Variants in ZNF804B observed in about 807,000 individuals in gnomAD.
The protein encoded by ZNF804B is zinc finger protein 804B, also known as zinc finger 804B.
ZNF804B carries 80 observed loss-of-function variants against 101.4 expected under a neutral mutation model. The ratio of observed to expected loss-of-function variants is 0.79; its 90% CI spans 0.66 to 0.95. ZNF804B has a LOEUF of 0.95. ZNF804B is among the 40% of genes least tolerant of loss of function. The probability of loss-of-function intolerance (pLI) is 0.00; values close to 1 mark genes in which losing one functional copy is unlikely to be tolerated. For missense variants in ZNF804B, 1,673 were observed against 1,561.9 expected (o/e 1.07, Z -1.20); for synonymous variants, 622 against 558.8 (o/e 1.11, Z -1.59).
At chr7:88,864,935 A>G (rs779407394) in intron 1 of ZNF804B, among the ~76,000 whole-genome samples, 3 of 152,152 alleles carry the variant, frequency 2.0e-5, no homozygotes, top group Non-Finnish European at 2.9e-5. Context: ...CACCCATAAA[A>G]ATATTTAACT....
Position 88,859,124 on chromosome 7 carries a change from G to A in ZNF804B, c.108+99040G>A, listed in dbSNP as rs533349066. Among the ~76,000 whole-genome samples, 5 of 151,998 alleles carry A rather than the reference G, an allele frequency of 3.3e-5. No individual in the cohort carries two copies. The South Asian group carries it at 1.0e-3, about 32-fold the overall frequency. ...TTTATTGGGTTTATTTTCAGGCAAC[G>A]CTCTTCACCAATCAAATGAATAAGA... On this transcript the variant is annotated intron_variant, in intron 1 of 3. Coordinates refer to ENST00000333190, the MANE Select transcript of ZNF804B (RefSeq NM_181646.5).
intron 1 of ZNF804B, among the ~76,000 whole-genome samples, chr7:88,949,530 A>C (rs1047013945): frequency 6.6e-6 from 1 of 151,934 alleles, no homozygotes; most frequent in Admixed American, 6.6e-5. Context: ...TGTATGTGGC[A>C]TATCTTCCAT....
At chr7:88,826,913 G>A (rs535989466) in intron 1 of ZNF804B, among the ~76,000 whole-genome samples, 1 of 152,082 alleles carries the variant, frequency 6.6e-6, no homozygotes, top group South Asian at 2.1e-4. Context: ...GGAATATTTT[G>A]GGATTAAATA....
At chr7:89,131,854 A>C (rs1232457549) in intron 1 of ZNF804B, among the ~76,000 whole-genome samples, 1 of 151,992 alleles carries the variant, frequency 6.6e-6, no homozygotes, top group African/African-American at 2.4e-5. Flanking sequence ...GACGTACTCA[A>C]CCTGTTTCCC....
chr7:89,014,137 T>A (rs2373830), intron 1 of ZNF804B, among the ~76,000 whole-genome samples: 20,845 of 152,152 alleles, frequency 0.14, 1,840 homozygotes, highest in East Asian at 0.29. Context: ...ATACTGTTCT[T>A]TATAGTGGCT....
chr7:89,127,040 A>G (rs368299774), intron 1 of ZNF804B, among the ~76,000 whole-genome samples: 1 of 151,958 alleles, frequency 6.6e-6, no homozygotes, highest in Non-Finnish European at 1.5e-5. Flanking sequence ...AATGATAATG[A>G]TCATGACTCC....
chr7:88,887,552 T>G (rs1004563892), intron 1 of ZNF804B, among the ~76,000 whole-genome samples: 2 of 152,186 alleles, frequency 1.3e-5, no homozygotes, highest in African/African-American at 4.8e-5. Flanking sequence ...TCCTTGTTCT[T>G]GCTAGCTTTG....
intron 1 of ZNF804B, among the ~76,000 whole-genome samples, chr7:89,067,565 A>G (rs1789472286): frequency 6.6e-6 from 1 of 152,158 alleles, no homozygotes; most frequent in South Asian, 2.1e-4. Flanking sequence ...GCCAACACTC[A>G]GTGTTATTGG....
intron 2 of ZNF804B, among the ~76,000 whole-genome samples, chr7:89,326,200 C>T (rs1202507324): frequency 6.6e-6 from 1 of 151,944 alleles, no homozygotes; most frequent in Non-Finnish European, 1.5e-5. Flanking sequence ...ACTGTTCTCC[C>T]TGTAGCTGTT....
intron 2 of ZNF804B, among the ~76,000 whole-genome samples, chr7:89,259,162 G>A (rs1305116693): frequency 6.6e-6 from 1 of 152,134 alleles, no homozygotes; most frequent in African/African-American, 2.4e-5. Flanking sequence ...CTTATTTGAT[G>A]TCTTCTTCCT....
intron 1 of ZNF804B, among the ~76,000 whole-genome samples, chr7:89,044,225 T>G (rs1789065696): frequency 6.6e-6 from 1 of 152,150 alleles, no homozygotes; most frequent in Non-Finnish European, 1.5e-5. Flanking sequence ...TCAACACTTC[T>G]TCCTGCCATC....
chr7:88,894,062 A>C (rs1266301080), intron 1 of ZNF804B, among the ~76,000 whole-genome samples: 1 of 152,200 alleles, frequency 6.6e-6, no homozygotes, highest in Non-Finnish European at 1.5e-5. Context: ...GTCTCCTTTA[A>C]GTTTTCAAAA....
intron 1 of ZNF804B, among the ~76,000 whole-genome samples, chr7:89,189,707 A>C (rs2115609539): frequency 6.6e-6 from 1 of 152,292 alleles, no homozygotes; most frequent in South Asian, 2.1e-4. Flanking sequence ...CAAGCGGGGA[A>C]GCAGATTGTG....
In ZNF804B at chr7:89,056,946, G is replaced by A. The variant is rs544172597; in HGVS notation, c.109-161209G>A. Among the ~76,000 whole-genome samples the A allele has an allele frequency of 8.5e-5, 13 of 152,204 alleles. No homozygotes were observed. The East Asian group carries it at 2.5e-3, about 30-fold the overall frequency. ...TGGGGTTAGGGTTTTAAAGGTTTTG[G>A]AGTGGGCTAAAGTGTGAAGATCGTT... On this transcript the variant is annotated intron_variant, in intron 1 of 3. Transcript: ENST00000333190.
chr7:89,159,096 G>A (rs1791019518), intron 1 of ZNF804B, among the ~76,000 whole-genome samples: 1 of 152,236 alleles, frequency 6.6e-6, no homozygotes, highest in Admixed American at 6.5e-5. Flanking sequence ...CTTGAGAGGA[G>A]TGAATTTACT....
chr7:89,197,521 T>A (rs2115637564), intron 1 of ZNF804B, among the ~76,000 whole-genome samples: 1 of 152,064 alleles, frequency 6.6e-6, no homozygotes, highest in African/African-American at 2.4e-5. Context: ...TTCCATTGGC[T>A]GTTTGATTAT....
At chr7:89,206,336 T>C (rs1788714015) in intron 1 of ZNF804B, among the ~76,000 whole-genome samples, 1 of 152,222 alleles carries the variant, frequency 6.6e-6, no homozygotes, top group Admixed American at 6.5e-5. Context: ...TTGAATTTCT[T>C]CCCAGAAAAT....
chr7:89,235,237 C>T (rs1437961373), intron 2 of ZNF804B, among the ~76,000 whole-genome samples: 1 of 151,814 alleles, frequency 6.6e-6, no homozygotes, highest in Non-Finnish European at 1.5e-5. Flanking sequence ...TTATTTTTTC[C>T]AGAGAAATAT....
chr7:89,282,649 A>T (rs1208877), intron 2 of ZNF804B, among the ~76,000 whole-genome samples: 37,339 of 152,008 alleles, frequency 0.25, 4,812 homozygotes, highest in Non-Finnish European at 0.27. Flanking sequence ...GTGTGTCTTG[A>T]GGGGGTACGA....
Sources: gnomAD v4.1 joint callset for allele counts (sites outside exome capture counted in the v4.1 genomes callset) on GRCh38, gnomAD v4.1.1 for gene constraint, MANE v1.5 for transcripts, NCBI Gene and HGNC (gene_info 2026-07-23, HGNC 2026-07-21) for gene names.